Variants in RARB observed in about 807,000 individuals in gnomAD.
RARB encodes retinoic acid receptor beta, also known as HBV-activated protein.
A neutral mutation model predicts 51.9 loss-of-function variants in RARB; 17 were observed. That is an observed-to-expected ratio of 0.33 (90% CI 0.22 to 0.49). RARB has a LOEUF of 0.49. RARB is among the 20% of genes least tolerant of loss of function. RARB has a pLI of 0.99. For missense variants in RARB, 369 were observed against 550.8 expected (o/e 0.67, Z 3.30); for synonymous variants, 215 against 195.4 (o/e 1.10, Z -0.84).
chr3:25,120,592 AATGTGC>A (rs1203712074), intron 3 of RARB, among the ~76,000 whole-genome samples: 2 of 129,004 alleles, frequency 1.6e-5, no homozygotes, highest in Non-Finnish European at 3.3e-5. Flanking sequence ...TAATTTTCTG[AATGTGC>A]AGTTCAACCA....
chr3:25,096,915 C>T (rs534009318), intron 3 of RARB, among the ~76,000 whole-genome samples: 50 of 152,286 alleles, frequency 3.3e-4, no homozygotes, highest in African/African-American at 1.2e-3. Context: ...TTTCCAGTTA[C>T]CTGAAACCTC....
At chr3:25,392,822 T>A (rs374817239) in intron 5 of RARB, among the ~76,000 whole-genome samples, 4 of 152,154 alleles carry the variant, frequency 2.6e-5, no homozygotes, top group African/African-American at 7.2e-5. Flanking sequence ...TATACAATCA[T>A]CTCATTAGCA....
intron 2 of RARB, among the ~76,000 whole-genome samples, chr3:25,047,550 A>T (rs376200273): frequency 3.2e-4 from 48 of 152,354 alleles, no homozygotes; most frequent in African/African-American, 1.1e-3. Context: ...TTGCATAGTA[A>T]CTAGAGGCCA....
intron 1 of RARB, among the ~76,000 whole-genome samples, chr3:24,832,545 T>C (rs967594480): frequency 2.5e-4 from 38 of 150,538 alleles, no homozygotes; most frequent in African/African-American, 9.0e-4. Flanking sequence ...GTACCCATTA[T>C]TAATGACCAG....
At chr3:25,084,076 T>G (rs553128768) in intron 3 of RARB, among the ~76,000 whole-genome samples, 3 of 152,210 alleles carry the variant, frequency 2.0e-5, no homozygotes, top group Non-Finnish European at 2.9e-5. Context: ...AGTATTTGGC[T>G]AATGACTCAG....
intron 1 of RARB, among the ~76,000 whole-genome samples, chr3:24,845,584 G>A (rs956753631): frequency 2.0e-5 from 3 of 152,216 alleles, no homozygotes; most frequent in Admixed American, 6.5e-5. Context: ...AAAGGAGGCT[G>A]AGAAATGTAA....
At chr3:24,880,330 G>T (rs973458315) in intron 2 of RARB, among the ~76,000 whole-genome samples, 1 of 152,006 alleles carries the variant, frequency 6.6e-6, no homozygotes, top group Non-Finnish European at 1.5e-5. Context: ...AGAAAAGGCA[G>T]TGAAGGAGCA....
chr3:24,840,069 CT>C (rs1287050722), intron 1 of RARB, among the ~76,000 whole-genome samples: 1 of 152,152 alleles, frequency 6.6e-6, no homozygotes, highest in Non-Finnish European at 1.5e-5. Context: ...GATTATTTCA[CT>C]TTTCTGAGTG....
chr3:24,972,037 G>A (rs983216261), intron 2 of RARB, among the ~76,000 whole-genome samples: 3 of 151,646 alleles, frequency 2.0e-5, no homozygotes, highest in African/African-American at 7.3e-5. Context: ...TGAAATGTAC[G>A]ATGGATTAAT....
intron 2 of RARB, among the ~76,000 whole-genome samples, chr3:24,912,561 G>T (rs936436371): frequency 1.3e-5 from 2 of 152,126 alleles, no homozygotes; most frequent in African/African-American, 4.8e-5. Context: ...ATGCAGTTCA[G>T]CTTAACATAG....
At chr3:25,391,917 T>C (rs1706970887) in intron 5 of RARB, among the ~76,000 whole-genome samples, 1 of 152,196 alleles carries the variant, frequency 6.6e-6, no homozygotes, top group Non-Finnish European at 1.5e-5. Flanking sequence ...TATTTATCTT[T>C]GTTTTTATTG....
chr3:24,951,067 C>G (rs1198950918), intron 2 of RARB, among the ~76,000 whole-genome samples: 1 of 152,108 alleles, frequency 6.6e-6, no homozygotes, highest in Non-Finnish European at 1.5e-5. Flanking sequence ...GAGTACTTCC[C>G]TCTGGAGAAA....
intron 6 of RARB, 147 bp from the exon 7 acceptor site, chr3:25,594,373 T>G: frequency 2.4e-6 from 2 of 829,984 alleles, no homozygotes; most frequent in Non-Finnish European, 3.5e-6. Flanking sequence ...GTATCACTGC[T>G]TAAAGCAACT....
At chr3:25,063,437 T>C (rs971658765) in intron 3 of RARB, among the ~76,000 whole-genome samples, 5 of 152,050 alleles carry the variant, frequency 3.3e-5, no homozygotes, top group Admixed American at 6.6e-5. Flanking sequence ...CCTATTTCTT[T>C]TTATGGGCTA....
chr3:25,427,906 G>T (rs1708041884), upstream of RARB, among the ~76,000 whole-genome samples: 1 of 152,286 alleles, frequency 6.6e-6, no homozygotes, highest in African/African-American at 2.4e-5. Flanking sequence ...GCGAGCGGGC[G>T]CAGGCGGAAC....
At chr3:25,282,865 C>A (rs1240860513) in intron 5 of RARB, among the ~76,000 whole-genome samples, 1 of 152,206 alleles carries the variant, frequency 6.6e-6, no homozygotes, top group African/African-American at 2.4e-5. Flanking sequence ...GCTTCACTTC[C>A]ACCTTCCAAA....
chr3:25,400,355 G>T (rs1392183474), intron 5 of RARB, among the ~76,000 whole-genome samples: 3 of 152,106 alleles, frequency 2.0e-5, no homozygotes, highest in African/African-American at 7.2e-5. Context: ...TATCAAACCT[G>T]GTTCTTCTAT....
intron 2 of RARB, among the ~76,000 whole-genome samples, chr3:24,924,864 A>G (rs1695284965): frequency 1.3e-5 from 2 of 152,102 alleles, no homozygotes; most frequent in South Asian, 2.1e-4. Context: ...GGTGCTGTAA[A>G]GAGCATAGAT....
intron 1 of RARB, among the ~76,000 whole-genome samples, chr3:25,451,037 A>G (rs2125541984): frequency 6.6e-6 from 1 of 152,306 alleles, no homozygotes; most frequent in South Asian, 2.1e-4. Flanking sequence ...CAGTGAGCTG[A>G]GATCGTGCCA....
Sources: allele counts gnomAD v4.1 joint callset (sites outside exome capture counted in the v4.1 genomes callset), GRCh38; gene constraint gnomAD v4.1.1; transcripts MANE v1.5; gene names NCBI Gene and HGNC (gene_info 2026-07-23, HGNC 2026-07-21).